ZRANB3: variants seen among roughly 807,000 people sequenced by gnomAD.
ZRANB3 encodes zinc finger RANBP2-type containing 3.
Under a neutral mutation model 133.8 loss-of-function variants are expected in ZRANB3, and 125 were observed. The observed-to-expected ratio is 0.93, with a 90% CI of 0.81 to 1.08. ZRANB3 has a LOEUF of 1.08. Among genes scored for constraint, ZRANB3 ranks in the 50% least tolerant of loss-of-function variants. ZRANB3 has a pLI of 0.00. For synonymous variants in ZRANB3, 387 were observed against 432.7 expected, an observed-to-expected ratio of 0.89 and a Z score of 1.31; for missense variants, 1,229 against 1,275.5, an observed-to-expected ratio of 0.96 and a Z score of 0.56.
intron 1 of ZRANB3, among the ~76,000 whole-genome samples, chr2:135,526,537 T>C (rs1300337180): frequency 6.6e-6 from 1 of 152,212 alleles, no homozygotes; most frequent in East Asian, 1.9e-4. Context: ...TAAATTCTCA[T>C]CAGGGGGGTT....
intron 2 of ZRANB3, among the ~76,000 whole-genome samples, chr2:135,394,218 G>T (rs146117858): frequency 6.6e-6 from 1 of 152,150 alleles, no homozygotes; most frequent in East Asian, 1.9e-4. Flanking sequence ...ATGGCAAAAA[G>T]ATATTTAAGG....
intron 8 of ZRANB3, among the ~76,000 whole-genome samples, chr2:135,292,686 TG>T (rs1394192223): frequency 2.0e-5 from 3 of 152,212 alleles, no homozygotes; most frequent in African/African-American, 7.2e-5. Context: ...TATGTCTTAA[TG>T]GTATTGCCTA....
chr2:135,442,883 G>A (rs1254824615), intron 2 of ZRANB3, among the ~76,000 whole-genome samples: 18 of 152,096 alleles, frequency 1.2e-4, no homozygotes, highest in Admixed American at 1.3e-4. Flanking sequence ...TTGGGAGGCC[G>A]AGGTGGGTGG....
At chr2:135,255,941 T>A (rs1239900030) in intron 12 of ZRANB3, among the ~76,000 whole-genome samples, 1 of 145,100 alleles carries the variant, frequency 6.9e-6, no homozygotes, top group Non-Finnish European at 1.5e-5. Flanking sequence ...TGAGGCAGGG[T>A]CTTACTTTGT....
intron 12 of ZRANB3, among the ~76,000 whole-genome samples, chr2:135,264,581 G>A (rs1680131141): frequency 6.6e-6 from 1 of 152,006 alleles, no homozygotes; most frequent in Admixed American, 6.6e-5. Flanking sequence ...TTTGGGAACG[G>A]GGGGTCACAT....
chr2:135,489,969 C>G (rs1348885885), intron 2 of ZRANB3, among the ~76,000 whole-genome samples: 1 of 151,912 alleles, frequency 6.6e-6, no homozygotes, highest in Non-Finnish European at 1.5e-5. Flanking sequence ...AAACTAGAAA[C>G]TAAAAGAATA....
At chr2:135,491,934 T>C (rs975377902) in intron 2 of ZRANB3, among the ~76,000 whole-genome samples, 2 of 152,120 alleles carry the variant, frequency 1.3e-5, no homozygotes, top group African/African-American at 4.8e-5. Flanking sequence ...AAAGGCAATA[T>C]ACCAATGTCA....
rs534266011 is a variant in ZRANB3 at position 135,479,905 on chromosome 2, T to C, written c.161+24424A>G. 4.1e-3 allele frequency among the ~76,000 whole-genome samples: 623 copies of C among 152,138 alleles called. 2 individuals are homozygous for C. The highest frequency in any genetic ancestry group is 6.4e-3 in the Non-Finnish European group (436 of 67,986). On this transcript the variant is annotated intron_variant, in intron 2 of 20. Transcript: ENST00000264159. ...GCAAATTTTTGTAACTTATCTCTTT[T>C]GGTTTTTTATACCTATACTTACGAT...
rs1055893937 is a variant in ZRANB3, at chr2:135,461,249, C to A, written c.161+43080G>T. ...TGGTATACTTGTTTGACCTTCACAA[C>A]CAAATAAGTGATAAACAACATGCCT... On this transcript the variant is annotated intron_variant, in intron 2 of 20. Transcript: ENST00000264159. 2.0e-5 allele frequency among the ~76,000 whole-genome samples: 3 copies of A among 152,026 alleles called. No homozygotes were observed. In the East Asian group the frequency reaches 5.8e-4, roughly 29 times the overall value.
intron 2 of ZRANB3, among the ~76,000 whole-genome samples, chr2:135,436,617 T>C (rs1689544170): frequency 6.6e-6 from 1 of 152,048 alleles, no homozygotes; most frequent in Admixed American, 6.6e-5. Flanking sequence ...TCAGAGAAGA[T>C]ACAAACAAAT....
chr2:135,355,611 C>G (rs1469269399), intron 3 of ZRANB3, among the ~76,000 whole-genome samples: 1 of 152,140 alleles, frequency 6.6e-6, no homozygotes, highest in African/African-American at 2.4e-5. Context: ...CCCACCTCGG[C>G]CTCCCAAAGT....
At chr2:135,403,157 T>C (rs568385956) in intron 2 of ZRANB3, among the ~76,000 whole-genome samples, 35 of 152,246 alleles carry the variant, frequency 2.3e-4, no homozygotes, top group African/African-American at 3.9e-4. Flanking sequence ...GGGTGAGGCA[T>C]TGCCTCACAC....
chr2:135,347,449 C>T (rs572463477), intron 5 of ZRANB3, among the ~76,000 whole-genome samples: 6 of 152,254 alleles, frequency 3.9e-5, no homozygotes, highest in South Asian at 2.1e-4. Flanking sequence ...CCCACCACCG[C>T]GCCCGGCTAA....
At chr2:135,503,186 G>A (rs2104821140) in intron 2 of ZRANB3, among the ~76,000 whole-genome samples, 1 of 152,198 alleles carries the variant, frequency 6.6e-6, no homozygotes, top group Middle Eastern at 3.4e-3. Context: ...AAAAAAGTCT[G>A]TAAACAAATA....
intron 19 of ZRANB3, among the ~76,000 whole-genome samples, chr2:135,204,650 A>AAAT (rs1553454875): frequency 0.07 from 9,847 of 141,648 alleles, 426 homozygotes; most frequent in South Asian, 0.14. Context: ...AAAAAAAAAA[A>AAAT]ATATATATAT....
At chr2:135,335,253 TTAAAAATTG>T (rs2104852570) in intron 6 of ZRANB3, among the ~76,000 whole-genome samples, 1 of 152,196 alleles carries the variant, frequency 6.6e-6, no homozygotes, top group East Asian at 1.9e-4. Context: ...AAATAACATT[TTAAAAATTG>T]ATGAATTATT....
At chr2:135,418,119 A>T (rs1029541901) in intron 2 of ZRANB3, among the ~76,000 whole-genome samples, 1 of 152,202 alleles carries the variant, frequency 6.6e-6, no homozygotes, top group African/African-American at 2.4e-5. Context: ...ATAATAATAA[A>T]AACAAACAAC....
chr2:135,414,675 C>G (rs1205982434), intron 2 of ZRANB3, among the ~76,000 whole-genome samples: 1 of 152,066 alleles, frequency 6.6e-6, no homozygotes, highest in Non-Finnish European at 1.5e-5. Context: ...CACACCACAC[C>G]TATTCCAAAA....
At chr2:135,481,265 C>G (rs1237549364) in intron 2 of ZRANB3, among the ~76,000 whole-genome samples, 3 of 151,074 alleles carry the variant, frequency 2.0e-5, no homozygotes, top group Non-Finnish European at 4.4e-5. Context: ...TCCACATCCT[C>G]TCCAGCACCT....
Sources: allele counts gnomAD v4.1 joint callset (sites outside exome capture counted in the v4.1 genomes callset), GRCh38; gene constraint gnomAD v4.1.1; transcripts MANE v1.5; gene names NCBI Gene and HGNC (gene_info 2026-07-23, HGNC 2026-07-21).